DCC: variants seen among roughly 807,000 people sequenced by gnomAD.
DCC encodes the protein DCC netrin 1 receptor.
In DCC, 58 loss-of-function variants were observed where a neutral mutation model predicts 172.5. The ratio of observed to expected loss-of-function variants is 0.34; its 90% CI spans 0.27 to 0.42. The LOEUF is 0.42. DCC is among the 10% of genes least tolerant of loss of function. The pLI is 1.00. For synonymous variants in DCC, 709 were observed against 644.5 expected (o/e 1.10, Z -1.52); for missense variants, 1,740 against 1,791.0 (o/e 0.97, Z 0.51).
intron 2 of DCC, among the ~76,000 whole-genome samples, chr18:52,784,466 T>A (rs2037614156): frequency 6.6e-6 from 1 of 152,048 alleles, no homozygotes; most frequent in East Asian, 1.9e-4. Context: ...TATTTCTACT[T>A]TTAGTCTTTT....
At chr18:53,300,958 A>ATTCTTTTTCTTTCTTTCTTTCT (rs1436953257) in intron 12 of DCC, among the ~76,000 whole-genome samples, 2 of 81,696 alleles carry the variant, frequency 2.4e-5, no homozygotes, top group East Asian at 6.0e-4. Flanking sequence ...TTGGTTCTGG[A>ATTCTTTTTCTTTCTTTCTTTCT]TTCATTCTTT....
intron 7 of DCC, among the ~76,000 whole-genome samples, chr18:53,133,119 G>A (rs2144325408): frequency 6.6e-6 from 1 of 152,272 alleles, no homozygotes; most frequent in Middle Eastern, 3.4e-3. Flanking sequence ...GTTATCACAT[G>A]GCATTGACCA....
At chr18:52,613,123 T>G (rs1402515758) in intron 1 of DCC, among the ~76,000 whole-genome samples, 1 of 152,256 alleles carries the variant, frequency 6.6e-6, no homozygotes, top group Non-Finnish European at 1.5e-5. Flanking sequence ...GTGATAGGGA[T>G]GCTTCATTTG....
At chr18:52,791,476 TTTTTTTG>T (rs199913420) in intron 2 of DCC, among the ~76,000 whole-genome samples, 6,451 of 151,188 alleles carry the variant, frequency 0.043, 212 homozygotes, top group South Asian at 0.16. Context: ...TGTTTTGTTT[TTTTTTTG>T]TTTTTTTCCT....
At chr18:53,199,931 A>G (rs895330691) in intron 9 of DCC, among the ~76,000 whole-genome samples, 1 of 152,190 alleles carries the variant, frequency 6.6e-6, no homozygotes, top group African/African-American at 2.4e-5. Flanking sequence ...TTACAACGAA[A>G]GAGTTGAAGT....
chr18:53,366,995 T>A (rs1363864257), intron 15 of DCC, among the ~76,000 whole-genome samples: 2 of 152,222 alleles, frequency 1.3e-5, no homozygotes, highest in Non-Finnish European at 2.9e-5. Flanking sequence ...TGCTGCATTT[T>A]GGTGTTTCTT....
At chr18:52,597,113 G>C (rs1899426) in intron 1 of DCC, among the ~76,000 whole-genome samples, 1 of 87,396 alleles carries the variant, frequency 1.1e-5, no homozygotes, top group South Asian at 2.6e-4. Flanking sequence ...TTCTATTTTT[G>C]CCAGAAAAGT....
chr18:53,391,189 T>A (rs918357907), intron 16 of DCC, among the ~76,000 whole-genome samples: 3 of 152,136 alleles, frequency 2.0e-5, no homozygotes, highest in African/African-American at 7.2e-5. Context: ...CCTATTAAGT[T>A]AGAGAAGGAG....
chr18:52,562,294 T>G (rs993294933), intron 1 of DCC, among the ~76,000 whole-genome samples: 10 of 152,154 alleles, frequency 6.6e-5, no homozygotes, highest in Admixed American at 5.2e-4. Flanking sequence ...ATTAGTAATT[T>G]GGCACATTCT....
At chr18:52,534,657 A>T (rs760299139) in intron 1 of DCC, among the ~76,000 whole-genome samples, 20 of 152,202 alleles carry the variant, frequency 1.3e-4, no homozygotes, top group Non-Finnish European at 1.6e-4. Flanking sequence ...ATGATTTAAT[A>T]CCACCTTGCA....
At chr18:52,415,127 A>AT (rs1180502596) in intron 1 of DCC, among the ~76,000 whole-genome samples, 2 of 152,174 alleles carry the variant, frequency 1.3e-5, no homozygotes, top group African/African-American at 2.4e-5. Flanking sequence ...TAAAAATGAC[A>AT]TTTTTTATAC....
rs529533636 is a variant in DCC at position 52,616,060 on chromosome 18, A to G, written c.92-135994A>G. Among the ~76,000 whole-genome samples, 8 of 152,330 alleles carry G rather than the reference A, an allele frequency of 5.3e-5. No individual in the cohort carries two copies. In the South Asian group the frequency reaches 1.7e-3, roughly 32 times the overall value. On this transcript the variant is annotated intron_variant, in intron 1 of 28. Coordinates refer to ENST00000442544, the MANE Select transcript of DCC (RefSeq NM_005215.4). The stretch of plus-strand genomic sequence containing the variant: ...ATACCCCTCACTGAATTCCCATATT[A>G]CTAGCACCTTACATTGTCATATGTC...
At chr18:53,384,158 T>G (rs543360529) in intron 15 of DCC, among the ~76,000 whole-genome samples, 1 of 152,292 alleles carries the variant, frequency 6.6e-6, no homozygotes, top group East Asian at 1.9e-4. Flanking sequence ...GTTCTGGGGA[T>G]CAGGGAACAA....
chr18:52,512,589 T>A (rs2031481798), intron 1 of DCC, among the ~76,000 whole-genome samples: 2 of 152,248 alleles, frequency 1.3e-5, no homozygotes, highest in African/African-American at 4.8e-5. Flanking sequence ...CATTGTCATA[T>A]TTCTTGAACA....
intron 2 of DCC, among the ~76,000 whole-genome samples, chr18:52,887,099 T>G (rs918466568): frequency 6.6e-6 from 1 of 152,164 alleles, no homozygotes; most frequent in African/African-American, 2.4e-5. Flanking sequence ...CACGGGCATG[T>G]TGAATGAAAG....
intron 25 of DCC, 27 bp downstream of exon 25, chr18:53,468,037 A>G (rs1410736285): frequency 1.9e-6 from 2 of 1,038,926 alleles, no homozygotes; most frequent in Non-Finnish European, 3.1e-6. Context: ...GCCACAATGA[A>G]GAAATGAAAT....
intron 1 of DCC, among the ~76,000 whole-genome samples, chr18:52,430,212 C>T (rs1346002074): frequency 1.3e-5 from 2 of 151,948 alleles, no homozygotes; most frequent in Non-Finnish European, 2.9e-5. Context: ...GAATACATCT[C>T]TTAGAAACAT....
intron 1 of DCC, among the ~76,000 whole-genome samples, chr18:52,707,004 G>A (rs190706913): frequency 1.3e-5 from 2 of 152,262 alleles, no homozygotes; most frequent in African/African-American, 4.8e-5. Flanking sequence ...GGTAGAAGCT[G>A]GGGTTGGAGG....
intron 8 of DCC, among the ~76,000 whole-genome samples, chr18:53,159,546 A>G (rs1339561736): frequency 6.6e-6 from 1 of 152,144 alleles, no homozygotes; most frequent in Non-Finnish European, 1.5e-5. Context: ...CACTCACTCC[A>G]CTGCCCCAAA....
Sources: allele counts gnomAD v4.1 joint callset (sites outside exome capture counted in the v4.1 genomes callset), GRCh38; gene constraint gnomAD v4.1.1; transcripts MANE v1.5; gene names NCBI Gene and HGNC (gene_info 2026-07-23, HGNC 2026-07-21).